TUSC3: variants seen among roughly 807,000 people sequenced by gnomAD.
The protein encoded by TUSC3 is tumor suppressor candidate 3.
TUSC3 carries 45 observed loss-of-function variants against 44.8 expected under a neutral mutation model. The observed-to-expected ratio is 1.00, with a 90% CI of 0.79 to 1.29. The LOEUF (loss-of-function observed/expected upper bound fraction) is 1.29, where lower values mean the gene tolerates loss of function less well. Ranked by LOEUF, TUSC3 falls within the 50% of genes most tolerant of loss-of-function variation. TUSC3 has a pLI of 0.00. For missense variants in TUSC3, 519 were observed against 437.9 expected (o/e 1.19, Z -1.65); for synonymous variants, 212 against 152.9 (o/e 1.39, Z -2.85).
chr8:15,848,729 C>G, the TUSC3 span, among the ~76,000 whole-genome samples: 1 of 152,146 alleles, frequency 6.6e-6, no homozygotes, highest in African/African-American at 2.4e-5. Context: ...AGACTGGAGT[C>G]CAGAATCTTC....
chr8:15,810,973 G>A, the TUSC3 span, among the ~76,000 whole-genome samples: 4 of 152,094 alleles, frequency 2.6e-5, no homozygotes, highest in Admixed American at 1.3e-4. Context: ...ATCGTGTGGA[G>A]CTTATAGACA....
chr8:15,718,092 A>G (rs1027075918), intron 6 of TUSC3, among the ~76,000 whole-genome samples: 15 of 152,152 alleles, frequency 9.9e-5, no homozygotes, highest in African/African-American at 3.6e-4. Context: ...AAGGGTTTTG[A>G]ATTACCTCTA....
the TUSC3 span, among the ~76,000 whole-genome samples, chr8:15,841,336 A>C: frequency 6.6e-6 from 1 of 152,116 alleles, no homozygotes; most frequent in African/African-American, 2.4e-5. Flanking sequence ...TGGAAATATG[A>C]AGTAAATAAA....
the TUSC3 span, chr8:15,807,100 GC>G: frequency 7.7e-7 from 1 of 1,293,604 alleles, no homozygotes. Flanking sequence ...GAACCAGGAT[GC>G]CCGTTATACA....
intron 1 of TUSC3, among the ~76,000 whole-genome samples, chr8:15,452,402 C>T (rs971052295): frequency 9.9e-5 from 15 of 152,168 alleles, no homozygotes; most frequent in Admixed American, 8.5e-4. Flanking sequence ...ACTGATTACT[C>T]ACGCCTTTAA....
downstream of TUSC3, among the ~76,000 whole-genome samples, chr8:15,769,663 T>C (rs578065004): frequency 5.3e-5 from 8 of 152,182 alleles, no homozygotes; most frequent in South Asian, 1.7e-3. Flanking sequence ...TGGGAAAAAA[T>C]TTGTGCAATC....
At chr8:15,565,065 A>G (rs922109770) in intron 1 of TUSC3, among the ~76,000 whole-genome samples, 2 of 151,984 alleles carry the variant, frequency 1.3e-5, no homozygotes, top group Non-Finnish European at 2.9e-5. Context: ...ACAGCAATCG[A>G]TTATCTTACA....
chr8:15,525,754 C>A (rs1463968617), intron 2 of TUSC3, among the ~76,000 whole-genome samples: 2 of 151,950 alleles, frequency 1.3e-5, no homozygotes, highest in African/African-American at 4.8e-5. Context: ...GGGATGTTAG[C>A]AATGTAGAAT....
At chr8:15,683,042 C>T (rs1461184511) in intron 6 of TUSC3, among the ~76,000 whole-genome samples, 3 of 152,252 alleles carry the variant, frequency 2.0e-5, no homozygotes, top group African/African-American at 7.2e-5. Flanking sequence ...AGGTTCCCTT[C>T]AGAGGTGATA....
intron 1 of TUSC3, among the ~76,000 whole-genome samples, chr8:15,548,970 A>G (rs1801963875): frequency 6.6e-6 from 1 of 151,662 alleles, no homozygotes. Flanking sequence ...TTTTAGTGAA[A>G]TAAGTGTTTT....
At chr8:15,816,787 C>T in the TUSC3 span, among the ~76,000 whole-genome samples, 1 of 152,272 alleles carries the variant, frequency 6.6e-6, no homozygotes, top group African/African-American at 2.4e-5. Flanking sequence ...CATAATTCAA[C>T]GTCATACAAA....
intron 2 of TUSC3, among the ~76,000 whole-genome samples, chr8:15,533,343 C>G (rs1801476270): frequency 6.6e-6 from 1 of 152,152 alleles, no homozygotes; most frequent in Non-Finnish European, 1.5e-5. Flanking sequence ...CTAAGTAAAT[C>G]TGCATTTTTA....
At chr8:15,744,973 T>C (rs997933579) in intron 8 of TUSC3, among the ~76,000 whole-genome samples, 2 of 152,066 alleles carry the variant, frequency 1.3e-5, no homozygotes, top group African/African-American at 4.8e-5. Flanking sequence ...TCTAGTCGTG[T>C]CTGTTCTCAT....
In TUSC3 at chr8:15,596,647, A is replaced by T. The variant is rs57853285; in HGVS notation, c.139-26433A>T. Among the ~76,000 whole-genome samples the T allele has an allele frequency of 8.8e-3, 1,346 of 152,230 alleles. 19 individuals are homozygous for T. The highest frequency in any genetic ancestry group is 0.04 in the East Asian group (208 of 5,186). On this transcript the variant is annotated intron_variant, in intron 1 of 10. Coordinates refer to ENST00000503731, the MANE Select transcript of TUSC3 (RefSeq NM_006765.4). Reference sequence around the variant, plus strand: ...TATTATGTTAATGTCTTCGTATATTAATTACAGTTATATTTTTCTTTAATT... The same window carrying T: ...TATTATGTTAATGTCTTCGTATATTTATTACAGTTATATTTTTCTTTAATT...
chr8:15,475,758 A>C (rs779455473), intron 1 of TUSC3, among the ~76,000 whole-genome samples: 4 of 152,158 alleles, frequency 2.6e-5, no homozygotes, highest in Non-Finnish European at 5.9e-5. Context: ...ATACAGAGTA[A>C]AGGGAAGGAA....
At chr8:15,830,353 T>G in the TUSC3 span, among the ~76,000 whole-genome samples, 1 of 152,178 alleles carries the variant, frequency 6.6e-6, no homozygotes, top group Non-Finnish European at 1.5e-5. Flanking sequence ...CATAAATCCT[T>G]TGCATCAGCC....
chr8:15,689,821 GGTGT>G (rs71543657), intron 6 of TUSC3, among the ~76,000 whole-genome samples: 5,037 of 130,960 alleles, frequency 0.038, 206 homozygotes, highest in African/African-American at 0.11. Flanking sequence ...AATAGTCCAT[GGTGT>G]GTGTGTGTGT....
At chr8:15,589,137 C>G (rs559392575) in intron 1 of TUSC3, among the ~76,000 whole-genome samples, 2 of 152,222 alleles carry the variant, frequency 1.3e-5, no homozygotes, top group African/African-American at 4.8e-5. Flanking sequence ...TACTCCTACA[C>G]CCTTTTGGTT....
At chr8:15,427,982 T>C (rs1585784036) in intron 1 of TUSC3, among the ~76,000 whole-genome samples, 1 of 152,026 alleles carries the variant, frequency 6.6e-6, no homozygotes, top group African/African-American at 2.4e-5. Context: ...TTTTTTATTA[T>C]TATACTTTTA....
Sources: allele counts gnomAD v4.1 joint callset (sites outside exome capture counted in the v4.1 genomes callset), GRCh38; gene constraint gnomAD v4.1.1; transcripts MANE v1.5; gene names NCBI Gene and HGNC (gene_info 2026-07-23, HGNC 2026-07-21).